DDR2: variants seen among roughly 807,000 people sequenced by gnomAD.
DDR2 encodes the protein discoidin domain-containing receptor 2.
DDR2 carries 27 observed loss-of-function variants against 94.9 expected under a neutral mutation model. The ratio of observed to expected loss-of-function variants is 0.28; its 90% CI spans 0.21 to 0.39. DDR2 has a LOEUF of 0.39. Ranked by LOEUF, DDR2 falls within the 10% of genes least tolerant of loss-of-function variation. DDR2 has a pLI of 1.00. For synonymous variants in DDR2, 382 were observed against 377.2 expected (o/e 1.01, Z -0.15); for missense variants, 783 against 1,076.0 (o/e 0.73, Z 3.81).
In DDR2 at chr1:162,776,363, T is replaced by A; in HGVS notation, c.2276T>A (p.Ile759Asn). The A allele has an allele frequency of 6.2e-7, 1 of 1,614,032 alleles. No homozygotes were observed. The highest frequency in any genetic ancestry group is 8.5e-7 in the Non-Finnish European group (1 of 1,179,934). The change falls in exon 16 of 18, where the codon ATC (isoleucine) becomes AAC (asparagine). Residue 759 changes from isoleucine to asparagine, a missense_variant. Physicochemically the swap from Ile to Asn is moderately radical, Grantham distance 149. This residue lies in a region of DDR2 where 264 missense variants were observed against 428.2 expected (regional missense o/e 0.62). Coordinates refer to ENST00000367921, the MANE Select transcript of DDR2 (RefSeq NM_006182.4). ...ATCCGCTGGATGTCTTGGGAGAGTA[T>A]CTTGCTGGTAAGTTCTCAGCATTTT... ...LPIRWMSWES[I>N]LLGKFTTASD...
intron 2 of DDR2, among the ~76,000 whole-genome samples, chr1:162,676,556 C>G (rs1659135559): frequency 6.6e-6 from 1 of 152,186 alleles, no homozygotes; most frequent in Non-Finnish European, 1.5e-5. Context: ...ACTTTTATAG[C>G]TTATTAAGCT....
At chr1:162,680,215 G>A (rs752701585) in intron 2 of DDR2, among the ~76,000 whole-genome samples, 3 of 152,122 alleles carry the variant, frequency 2.0e-5, no homozygotes, top group Non-Finnish European at 2.9e-5. Flanking sequence ...CAAGTCCTAT[G>A]TCCAGAATGG....
intron 1 of DDR2, among the ~76,000 whole-genome samples, chr1:162,640,883 G>C (rs531851920): frequency 3.3e-5 from 5 of 150,734 alleles, no homozygotes; most frequent in African/African-American, 1.2e-4. Context: ...TCAGCCCCTC[G>C]ACTAGCTGGG....
At position 162,748,446 on chromosome 1, in the gene DDR2, G is replaced by A. The variant is rs112782719; in HGVS notation, c.83-4649G>A. ...TAAAGGGATCAATTCAACAAGAAGAGCTAACTATCCTAAATATATATGCAC... is the reference window on the plus strand; with the variant it reads ...TAAAGGGATCAATTCAACAAGAAGAACTAACTATCCTAAATATATATGCAC... On this transcript the variant is annotated intron_variant, in intron 3 of 17. Coordinates refer to ENST00000367921, the MANE Select transcript of DDR2 (RefSeq NM_006182.4). 5.2e-3 allele frequency among the ~76,000 whole-genome samples: 790 copies of A among 152,282 alleles called. 8 individuals carry two copies. Among genetic ancestry groups the A allele is most frequent in the African/African-American group, 0.018 (766 of 41,552 alleles).
At position 162,704,547 on chromosome 1, in the gene DDR2, C is replaced by T. The variant is rs1660576610; in HGVS notation, c.-27-14490C>T. Among the ~76,000 whole-genome samples the T allele has an allele frequency of 2.6e-5, 4 of 152,174 alleles. No individual in the cohort carries two copies. In the South Asian group the frequency reaches 8.3e-4, roughly 32 times the overall value. On this transcript the variant is annotated intron_variant, in intron 2 of 17. Coordinates refer to ENST00000367921, the MANE Select transcript of DDR2 (RefSeq NM_006182.4). ...TTTCTCATTGTCCTGGAGGCTAGGACGTCCAAGATCAAGGTGCTGGCAGAT... is the reference window on the plus strand; with the variant it reads ...TTTCTCATTGTCCTGGAGGCTAGGATGTCCAAGATCAAGGTGCTGGCAGAT...
chr1:162,653,543 A>G (rs1341597134), intron 1 of DDR2, among the ~76,000 whole-genome samples: 1 of 151,904 alleles, frequency 6.6e-6, no homozygotes, highest in Non-Finnish European at 1.5e-5. Flanking sequence ...GGATCGTGCC[A>G]CTGCACTCCA....
At chr1:162,760,389 CACA>C (rs1333149234) in intron 8 of DDR2, among the ~76,000 whole-genome samples, 8 of 147,870 alleles carry the variant, frequency 5.4e-5, no homozygotes, top group African/African-American at 1.5e-4. Flanking sequence ...TGTATACACA[CACA>C]ACTATATATA....
intron 2 of DDR2, among the ~76,000 whole-genome samples, chr1:162,680,486 G>C (rs1027929754): frequency 6.6e-6 from 1 of 152,134 alleles, no homozygotes; most frequent in Admixed American, 6.5e-5. Flanking sequence ...CAATTACATT[G>C]GTCTATATGT....
At chr1:162,754,546 A>G in intron 4 of DDR2, 78 bp from the exon 5 acceptor site, 1 of 1,428,534 alleles carries the variant, frequency 7.0e-7, no homozygotes, top group South Asian at 1.2e-5. Flanking sequence ...AGTACAGGGC[A>G]GCTGCTTGCC....
rs117466506 is a variant in DDR2, at chr1:162,735,299, C to T, written c.82+16154C>T. Among the ~76,000 whole-genome samples, 255 of 152,148 alleles carry T rather than the reference C, an allele frequency of 1.7e-3. 5 individuals are homozygous for T. In the East Asian group the frequency reaches 0.035, roughly 21 times the overall value. On this transcript the variant is annotated intron_variant, in intron 3 of 17. Coordinates refer to ENST00000367921, the MANE Select transcript of DDR2 (RefSeq NM_006182.4). ...TGTATGCTGGAAGAGCTGGACGAGTCGAGGAAGAGGGGAGCGCTGACATGT... is the reference window on the plus strand; with the variant it reads ...TGTATGCTGGAAGAGCTGGACGAGTTGAGGAAGAGGGGAGCGCTGACATGT...
chr1:162,673,121 A>G (rs1489490013), intron 2 of DDR2, among the ~76,000 whole-genome samples: 14 of 152,196 alleles, frequency 9.2e-5, no homozygotes, highest in Admixed American at 9.2e-4. Flanking sequence ...AGGTATAACA[A>G]TCAGCTCAAA....
intron 2 of DDR2, among the ~76,000 whole-genome samples, chr1:162,678,615 C>A (rs908741595): frequency 6.6e-6 from 1 of 152,188 alleles, no homozygotes; most frequent in South Asian, 2.1e-4. Context: ...GTCTGTTGCC[C>A]AGAATGCATT....
At chr1:162,718,710 A>G (rs1331715962) in intron 2 of DDR2, among the ~76,000 whole-genome samples, 1 of 152,226 alleles carries the variant, frequency 6.6e-6, no homozygotes, top group Non-Finnish European at 1.5e-5. Context: ...ATCAGTTTAC[A>G]TGATAAATAT....
At chr1:162,693,845 C>T (rs1011113225) in intron 2 of DDR2, among the ~76,000 whole-genome samples, 13 of 152,108 alleles carry the variant, frequency 8.5e-5, no homozygotes, top group South Asian at 2.1e-4. Flanking sequence ...CCTTGGCCTC[C>T]GAAGCAGGAA....
chr1:162,654,932 T>A (rs925929019), intron 1 of DDR2, among the ~76,000 whole-genome samples: 1 of 152,236 alleles, frequency 6.6e-6, no homozygotes, highest in Admixed American at 6.5e-5. Context: ...GAAGATAAAG[T>A]TATTTTTATA....
chr1:162,739,112 T>C (rs1322601194), intron 3 of DDR2, among the ~76,000 whole-genome samples: 22 of 125,368 alleles, frequency 1.8e-4, no homozygotes, highest in Non-Finnish European at 3.0e-4. Context: ...ACAAATGGGA[T>C]CTAATTAAAC....
chr1:162,691,709 T>A (rs2101977496), intron 2 of DDR2, among the ~76,000 whole-genome samples: 1 of 152,330 alleles, frequency 6.6e-6, no homozygotes, highest in Non-Finnish European at 1.5e-5. Context: ...GCTACCAACA[T>A]GGTGTCAATT....
At chr1:162,729,298 A>ATGTTGTTTTTTTTTTTTT (rs1324912200) in intron 3 of DDR2, among the ~76,000 whole-genome samples, 1 of 34,446 alleles carries the variant, frequency 2.9e-5, no homozygotes, top group African/African-American at 6.9e-5. Context: ...ATATATATAT[A>ATGTTGTTTTTTTTTTTTT]TATTTTTTTT....
intron 3 of DDR2, among the ~76,000 whole-genome samples, chr1:162,729,301 T>TA (rs755861408): frequency 0.5 from 28,554 of 57,024 alleles, 5,203 homozygotes; most frequent in Non-Finnish European, 0.56. Context: ...TATATATATA[T>TA]TTTTTTTTTT....
Sources: allele counts gnomAD v4.1 joint callset (sites outside exome capture counted in the v4.1 genomes callset), GRCh38; gene constraint gnomAD v4.1.1; regional missense constraint gnomAD v4.1.1; transcripts MANE v1.5; gene names NCBI Gene and HGNC (gene_info 2026-07-23, HGNC 2026-07-21).